MEI4: variants seen among roughly 807,000 people sequenced by gnomAD.
The protein encoded by MEI4 is meiotic double-stranded break formation protein 4.
Under a neutral mutation model 31.4 loss-of-function variants are expected in MEI4, and 27 were observed. The observed-to-expected ratio is 0.86, with a 90% confidence interval of 0.63 to 1.19. The LOEUF is 1.19. MEI4 is among the 50% of genes most tolerant of loss of function. MEI4 has a pLI of 0.00. For missense variants in MEI4, 329 were observed against 398.9 expected, an observed-to-expected ratio of 0.82 and a Z score of 1.49; for synonymous variants, 122 against 145.4, an observed-to-expected ratio of 0.84 and a Z score of 1.16.
intron 2 of MEI4, among the ~76,000 whole-genome samples, chr6:77,702,770 C>A (rs567840385): frequency 6.6e-6 from 1 of 152,318 alleles, no homozygotes; most frequent in East Asian, 1.9e-4. Flanking sequence ...CAACCTGTCA[C>A]CACCACGTCC....
At chr6:77,874,405 TTGTC>T (rs1473012271) in intron 4 of MEI4, among the ~76,000 whole-genome samples, 3 of 152,178 alleles carry the variant, frequency 2.0e-5, no homozygotes, top group African/African-American at 7.2e-5. Context: ...AGCTCTCTGT[TTGTC>T]TGTTATTGGT....
chr6:77,902,898 G>A (rs956869731), intron 4 of MEI4, among the ~76,000 whole-genome samples: 3 of 151,996 alleles, frequency 2.0e-5, no homozygotes, highest in Non-Finnish European at 2.9e-5. Flanking sequence ...TGACCACCTC[G>A]GGCACATGTC....
chr6:77,848,728 G>A (rs1412363556), intron 4 of MEI4, among the ~76,000 whole-genome samples: 1 of 152,138 alleles, frequency 6.6e-6, no homozygotes, highest in African/African-American at 2.4e-5. Context: ...CCAGGTCAAG[G>A]AGACAAAAGG....
chr6:77,734,538 C>G (rs575982785), intron 2 of MEI4, among the ~76,000 whole-genome samples: 1 of 151,936 alleles, frequency 6.6e-6, no homozygotes, highest in African/African-American at 2.4e-5. Flanking sequence ...TGTCTCTGCA[C>G]GTGAGATGGG....
At chr6:77,906,052 C>G (rs1766289551) in intron 4 of MEI4, among the ~76,000 whole-genome samples, 1 of 151,964 alleles carries the variant, frequency 6.6e-6, no homozygotes, top group Non-Finnish European at 1.5e-5. Context: ...TTTAATATCT[C>G]TGTAAAATTT....
At chr6:77,699,953 G>A (rs1163885108) in intron 2 of MEI4, among the ~76,000 whole-genome samples, 1 of 152,122 alleles carries the variant, frequency 6.6e-6, no homozygotes, top group Non-Finnish European at 1.5e-5. Context: ...TCGCTCCTCT[G>A]GAAGTTTTGT....
intron 4 of MEI4, among the ~76,000 whole-genome samples, chr6:77,907,381 T>C (rs887225288): frequency 2.0e-5 from 3 of 152,148 alleles, no homozygotes; most frequent in Admixed American, 1.3e-4. Flanking sequence ...AGTGAGAACA[T>C]GCAGTGTTTG....
At chr6:77,802,885 C>T (rs1400508939) in intron 3 of MEI4, among the ~76,000 whole-genome samples, 1 of 152,200 alleles carries the variant, frequency 6.6e-6, no homozygotes, top group Non-Finnish European at 1.5e-5. Context: ...CCCGACCTTT[C>T]TCTCTGGCTG....
At chr6:77,870,059 A>G (rs963190346) in intron 4 of MEI4, among the ~76,000 whole-genome samples, 1 of 152,130 alleles carries the variant, frequency 6.6e-6, no homozygotes, top group African/African-American at 2.4e-5. Context: ...CCCACTAAAG[A>G]GAGGAAAGGG....
At chr6:77,768,623 C>T (rs542920517) in intron 3 of MEI4, among the ~76,000 whole-genome samples, 1 of 151,542 alleles carries the variant, frequency 6.6e-6, no homozygotes, top group East Asian at 1.9e-4. Context: ...TCGCTTGGAC[C>T]TGGGAGGCAG....
intron 1 of MEI4, among the ~76,000 whole-genome samples, chr6:77,678,903 T>G (rs979115030): frequency 6.6e-6 from 1 of 152,046 alleles, no homozygotes; most frequent in Non-Finnish European, 1.5e-5. Context: ...GTCTAGCTAA[T>G]GTATGTGATT....
Position 77,736,320 on chromosome 6 carries a change from C to T in MEI4, c.233-24810C>T, listed in dbSNP as rs113444670. Among the ~76,000 whole-genome samples, 28 of 151,978 alleles carry T rather than the reference C, an allele frequency of 1.8e-4. No individual in the cohort carries two copies. The South Asian group carries it at 5.0e-3, about 27-fold the overall frequency. ...GGCGTATTACCCTCCGAGCCATGTG[C>T]GGGATATAATCTCCTGGTGCGCCGT... On this transcript the variant is annotated intron_variant, in intron 2 of 4. Coordinates refer to ENST00000684080, the MANE Select transcript of MEI4 (RefSeq NM_001322247.2).
intron 1 of MEI4, among the ~76,000 whole-genome samples, chr6:77,684,791 T>C (rs1005434202): frequency 1.3e-5 from 2 of 152,182 alleles, no homozygotes; most frequent in African/African-American, 4.8e-5. Flanking sequence ...ATCTTAGTTA[T>C]TGTAAATAGT....
intron 4 of MEI4, among the ~76,000 whole-genome samples, chr6:77,910,605 A>G (rs1160894552): frequency 2.0e-5 from 3 of 152,282 alleles, no homozygotes; most frequent in Non-Finnish European, 2.9e-5. Context: ...GGAAGAATCA[A>G]TATTGTGAAA....
intron 2 of MEI4, among the ~76,000 whole-genome samples, chr6:77,703,290 A>G (rs1231898573): frequency 6.6e-6 from 1 of 152,214 alleles, no homozygotes; most frequent in African/African-American, 2.4e-5. Flanking sequence ...GAATACAGAG[A>G]GCAACATCCT....
Position 77,903,026 on chromosome 6 carries a change from T to C in MEI4, c.901-20063T>C, listed in dbSNP as rs895826095. On this transcript the variant is annotated intron_variant, in intron 4 of 4. Transcript: ENST00000684080. ...GGGCTCACACCTTCCACTTTACTTATTTATTCCGACATTTTTCGATGGAGT... is the reference window on the plus strand; with the variant it reads ...GGGCTCACACCTTCCACTTTACTTACTTATTCCGACATTTTTCGATGGAGT... Among the ~76,000 whole-genome samples, 97 of 152,168 alleles carry C rather than the reference T, an allele frequency of 6.4e-4. 1 individual carries two copies. The highest frequency in any genetic ancestry group is 4.4e-5 in the Non-Finnish European group (3 of 68,036).
intron 4 of MEI4, among the ~76,000 whole-genome samples, chr6:77,838,629 C>T (rs911898489): frequency 1.3e-5 from 2 of 151,960 alleles, no homozygotes; most frequent in East Asian, 3.9e-4. Context: ...TGGCTGGGCG[C>T]GGTGGCTCAC....
chr6:77,706,699 T>C (rs1028864940), intron 2 of MEI4, among the ~76,000 whole-genome samples: 1 of 152,154 alleles, frequency 6.6e-6, no homozygotes, highest in African/African-American at 2.4e-5. Flanking sequence ...GCTGTCCTCA[T>C]GGTAATGAGT....
At chr6:77,877,651 C>G (rs1771374733) in intron 4 of MEI4, among the ~76,000 whole-genome samples, 1 of 151,238 alleles carries the variant, frequency 6.6e-6, no homozygotes, top group Non-Finnish European at 1.5e-5. Flanking sequence ...AATTGTGTCT[C>G]TCTCCCTAAT....
Sources: gnomAD v4.1 joint callset for allele counts (sites outside exome capture counted in the v4.1 genomes callset) on GRCh38, gnomAD v4.1.1 for gene constraint, MANE v1.5 for transcripts, NCBI Gene and HGNC (gene_info 2026-07-23, HGNC 2026-07-21) for gene names.